EYS: variants seen among roughly 807,000 people sequenced by gnomAD.
The protein encoded by EYS is EGF-like photoreceptor maintenance factor, also known as protein eyes shut homolog.
Under a neutral mutation model 282.1 loss-of-function variants are expected in EYS, and 250 were observed. That is an observed-to-expected ratio of 0.89 (90% CI 0.80 to 0.98). The LOEUF is 0.98. Among genes scored for constraint, EYS ranks in the 50% least tolerant of loss-of-function variants. EYS has a pLI of 0.00. For synonymous variants in EYS, 1,355 were observed against 1,282.9 expected (o/e 1.06, Z -1.20); for missense variants, 4,016 against 3,709.0 (o/e 1.08, Z -2.15).
At chr6:65,206,992 A>T (rs894529004) in intron 12 of EYS, among the ~76,000 whole-genome samples, 25 of 151,856 alleles carry the variant, frequency 1.6e-4, no homozygotes, top group African/African-American at 4.6e-4. Flanking sequence ...TCTCAAAAAT[A>T]CTATTCAACA....
chr6:65,162,027 T>A (rs1764862241), intron 12 of EYS, among the ~76,000 whole-genome samples: 1 of 151,314 alleles, frequency 6.6e-6, no homozygotes. Flanking sequence ...TGGTTAACTA[T>A]TAAACATCTG....
chr6:64,559,448 G>T (rs1765332459), intron 26 of EYS, among the ~76,000 whole-genome samples: 1 of 151,894 alleles, frequency 6.6e-6, no homozygotes, highest in South Asian at 2.1e-4. Context: ...ATTAAGTACT[G>T]CAGCATTTCT....
At chr6:63,815,177 A>G (rs1771147665) in intron 36 of EYS, among the ~76,000 whole-genome samples, 1 of 152,198 alleles carries the variant, frequency 6.6e-6, no homozygotes, top group Non-Finnish European at 1.5e-5. Flanking sequence ...AATAGCAATT[A>G]TAGTATCTAT....
chr6:65,055,286 T>A (rs1162254924), intron 13 of EYS, among the ~76,000 whole-genome samples: 2 of 152,124 alleles, frequency 1.3e-5, no homozygotes, highest in Non-Finnish European at 2.9e-5. Context: ...TCCAGCCTAA[T>A]GTAAAATATT....
intron 15 of EYS, among the ~76,000 whole-genome samples, chr6:64,944,131 T>C (rs952613427): frequency 2.0e-5 from 3 of 152,106 alleles, no homozygotes; most frequent in Admixed American, 1.3e-4. Flanking sequence ...GGACCCCCTA[T>C]TCAATAAATG....
At chr6:64,594,274 T>C (rs1278285488) in intron 24 of EYS, among the ~76,000 whole-genome samples, 2 of 152,128 alleles carry the variant, frequency 1.3e-5, no homozygotes, top group African/African-American at 2.4e-5. Context: ...ACTGCTGAAA[T>C]TGATCATACT....
intron 13 of EYS, among the ~76,000 whole-genome samples, chr6:65,014,122 G>A (rs1024122780): frequency 1.9e-4 from 29 of 152,134 alleles, no homozygotes; most frequent in Admixed American, 1.7e-3. Flanking sequence ...ATAGGGAATG[G>A]CATCTGGTTT....
intron 35 of EYS, among the ~76,000 whole-genome samples, chr6:63,969,352 A>G (rs1346563473): frequency 1.3e-5 from 2 of 152,266 alleles, no homozygotes; most frequent in East Asian, 3.8e-4. Flanking sequence ...AACCAGATTT[A>G]AAGTATTCCT....
At chr6:64,240,873 A>C (rs1766801022) in intron 30 of EYS, among the ~76,000 whole-genome samples, 1 of 152,204 alleles carries the variant, frequency 6.6e-6, no homozygotes, top group African/African-American at 2.4e-5. Flanking sequence ...ATTCAGTATG[A>C]TATTGGTTAT....
At chr6:64,625,897 T>C (rs1188706674) in intron 23 of EYS, among the ~76,000 whole-genome samples, 1 of 152,192 alleles carries the variant, frequency 6.6e-6, no homozygotes, top group South Asian at 2.1e-4. Context: ...ACTCTAAACA[T>C]TAAGATTTCC....
chr6:64,316,693 A>C (rs970514662), intron 29 of EYS, among the ~76,000 whole-genome samples: 5 of 152,188 alleles, frequency 3.3e-5, no homozygotes, highest in Non-Finnish European at 7.3e-5. Context: ...GATTTTCTTC[A>C]CAGAATTGGA....
At chr6:65,170,755 T>C (rs924227540) in intron 12 of EYS, among the ~76,000 whole-genome samples, 1 of 151,470 alleles carries the variant, frequency 6.6e-6, no homozygotes, top group African/African-American at 2.4e-5. Flanking sequence ...GAATTACTAC[T>C]AAGGATCAAG....
At chr6:64,867,186 C>T (rs555865230) in intron 19 of EYS, among the ~76,000 whole-genome samples, 1 of 151,380 alleles carries the variant, frequency 6.6e-6, no homozygotes, top group East Asian at 1.9e-4. Flanking sequence ...TTTAGATGAC[C>T]GATTTCCTAC....
At chr6:65,315,896 G>T (rs1273762179) in intron 11 of EYS, among the ~76,000 whole-genome samples, 18 of 147,242 alleles carry the variant, frequency 1.2e-4, no homozygotes. Flanking sequence ...ACATCCTATT[G>T]CTACATATCC....
chr6:65,043,249 C>A (rs966881741), intron 13 of EYS, among the ~76,000 whole-genome samples: 4 of 151,554 alleles, frequency 2.6e-5, no homozygotes, highest in Admixed American at 6.6e-5. Context: ...TTGAAATATA[C>A]ACATGTAGTA....
intron 28 of EYS, among the ~76,000 whole-genome samples, chr6:64,420,833 C>G (rs1260093500): frequency 6.6e-6 from 1 of 152,220 alleles, no homozygotes; most frequent in Non-Finnish European, 1.5e-5. Context: ...CCATCTGAGA[C>G]CACCTCAGCC....
chr6:65,107,993 A>G (rs1487002516), intron 12 of EYS, among the ~76,000 whole-genome samples: 1 of 152,116 alleles, frequency 6.6e-6, no homozygotes, highest in Non-Finnish European at 1.5e-5. Flanking sequence ...ATGATGTTAT[A>G]TTCTTGTTTT....
At chr6:65,166,919 C>T (rs529396484) in intron 12 of EYS, among the ~76,000 whole-genome samples, 13 of 151,156 alleles carry the variant, frequency 8.6e-5, no homozygotes, top group African/African-American at 3.1e-4. Flanking sequence ...ATAATATAAA[C>T]AGTCAATAAG....
rs145950410 is a variant in EYS, at chr6:65,672,541, T to C, written c.-447-32649A>G. Among the ~76,000 whole-genome samples, 816 of 152,194 alleles carry C rather than the reference T, an allele frequency of 5.4e-3. 7 individuals carry two copies. Among genetic ancestry groups the C allele is most frequent in the African/African-American group, 0.019 (780 of 41,532 alleles). On this transcript the variant is annotated intron_variant, in intron 1 of 42. Transcript: ENST00000503581. Reference sequence around the variant, plus strand: ...GAGAGGGGGCTACTTTTCAAATGCATAGATCCCAACAAAAAGTAACAAGGC... The same window carrying C: ...GAGAGGGGGCTACTTTTCAAATGCACAGATCCCAACAAAAAGTAACAAGGC...
Sources: allele counts gnomAD v4.1 joint callset (sites outside exome capture counted in the v4.1 genomes callset), GRCh38; gene constraint gnomAD v4.1.1; transcripts MANE v1.5; gene names NCBI Gene and HGNC (gene_info 2026-07-23, HGNC 2026-07-21).